The following POU6F2 variants were observed in gnomAD, a reference collection of about 807,000 sequenced individuals.
The protein encoded by POU6F2 is POU domain, class 6, transcription factor 2.
Under a neutral mutation model 71.3 loss-of-function variants are expected in POU6F2, and 31 were observed. The observed-to-expected ratio is 0.43, with a 90% CI of 0.33 to 0.59. The LOEUF is 0.59. Among genes scored for constraint, POU6F2 ranks in the 20% least tolerant of loss-of-function variants. The pLI, the probability that POU6F2 is intolerant of heterozygous loss-of-function variation, is 0.04. For synonymous variants in POU6F2, 347 were observed against 355.7 expected, an observed-to-expected ratio of 0.98 and a Z score of 0.27; for missense variants, 783 against 856.8, an observed-to-expected ratio of 0.91 and a Z score of 1.07.
chr7:39,078,668 C>G (rs911155291), intron 1 of POU6F2, among the ~76,000 whole-genome samples: 1 of 152,154 alleles, frequency 6.6e-6, no homozygotes, highest in Non-Finnish European at 1.5e-5. Flanking sequence ...GGTCAGCAAA[C>G]TTTTTCTGTA....
chr7:39,293,562 A>G (rs898401063), intron 4 of POU6F2, among the ~76,000 whole-genome samples: 2 of 152,134 alleles, frequency 1.3e-5, no homozygotes, highest in African/African-American at 4.8e-5. Context: ...TTATCGCTTC[A>G]GACCACGTGA....
intron 2 of POU6F2, among the ~76,000 whole-genome samples, chr7:39,161,855 G>A (rs976756479): frequency 1.3e-5 from 2 of 152,200 alleles, no homozygotes; most frequent in African/African-American, 4.8e-5. Context: ...ATGACATTTA[G>A]GGACCAAGAA....
At chr7:39,274,226 C>T (rs113859450) in intron 4 of POU6F2, among the ~76,000 whole-genome samples, 44,010 of 151,646 alleles carry the variant, frequency 0.29, 7,274 homozygotes, top group East Asian at 0.45. Context: ...ATATCACCAC[C>T]GATCCCACAG....
intron 1 of POU6F2, among the ~76,000 whole-genome samples, chr7:39,015,220 G>T (rs1789439654): frequency 6.9e-6 from 1 of 145,206 alleles, no homozygotes; most frequent in South Asian, 2.1e-4. Context: ...CTGATTTTAT[G>T]TATATATTAT....
At chr7:39,027,657 G>A (rs1357687793) in intron 1 of POU6F2, among the ~76,000 whole-genome samples, 5 of 152,158 alleles carry the variant, frequency 3.3e-5, no homozygotes, top group South Asian at 2.1e-4. Context: ...TATAAACTTC[G>A]TAACATTGCA....
intron 4 of POU6F2, among the ~76,000 whole-genome samples, chr7:39,276,165 T>A (rs1045477354): frequency 2.4e-4 from 37 of 151,774 alleles, no homozygotes; most frequent in Admixed American, 4.6e-4. Flanking sequence ...GACAAAGGGC[T>A]AATATCCAGA....
chr7:39,181,806 C>G (rs1793440740), intron 2 of POU6F2, among the ~76,000 whole-genome samples: 1 of 151,716 alleles, frequency 6.6e-6, no homozygotes, highest in African/African-American at 2.4e-5. Context: ...TCCATCACCT[C>G]CCTCCATCCA....
intron 4 of POU6F2, among the ~76,000 whole-genome samples, chr7:39,304,342 T>C (rs1179054124): frequency 1.3e-5 from 2 of 152,164 alleles, no homozygotes; most frequent in African/African-American, 2.4e-5. Context: ...AGAATTCGAA[T>C]CGACATATCT....
Position 39,015,649 on chromosome 7 carries a change from A to C in POU6F2, c.105+37591A>C, listed in dbSNP as rs372019889. 3.1e-3 allele frequency among the ~76,000 whole-genome samples: 280 copies of C among 91,652 alleles called. 1 individual carries two copies. Among genetic ancestry groups the C allele is most frequent in the Non-Finnish European group, 3.9e-3 (187 of 48,224 alleles). 60.1% of individuals were successfully genotyped at this position (91,652 alleles called of 152,430 possible). On this transcript the variant is annotated intron_variant, in intron 1 of 9. Transcript: ENST00000518318. ...ATAGATATATCTATGTTATATATAG[A>C]TATATATTATATATAGATATATTAT...
In POU6F2 at chr7:39,159,331, TTC is replaced by T. The variant is rs143622811; in HGVS notation, c.278-44900_278-44899del. Among the ~76,000 whole-genome samples, 1,419 of 152,322 alleles carry T rather than the reference TTC, an allele frequency of 9.3e-3. 22 individuals are homozygous for T. The highest frequency in any genetic ancestry group is 0.032 in the African/African-American group (1,311 of 41,556). On this transcript the variant is annotated intron_variant, in intron 2 of 9. Transcript: ENST00000518318. ...ACAAAGATATATAACCGCTTTTTCT[TTC>T]TCTGTTTCTTCCCCAATCCATTCTT...
At chr7:39,408,712 T>C (rs531152394) in intron 6 of POU6F2, among the ~76,000 whole-genome samples, 3 of 152,358 alleles carry the variant, frequency 2.0e-5, no homozygotes, top group South Asian at 2.1e-4. Flanking sequence ...TTTTAACACA[T>C]GTGCCCAATG....
At chr7:39,295,386 C>T (rs754320015) in intron 4 of POU6F2, among the ~76,000 whole-genome samples, 28 of 152,166 alleles carry the variant, frequency 1.8e-4, no homozygotes, top group African/African-American at 6.3e-4. Flanking sequence ...TAGGCCGAGG[C>T]GGGCAGATCA....
chr7:39,413,477 C>G (rs1787597772), intron 6 of POU6F2, among the ~76,000 whole-genome samples: 2 of 152,088 alleles, frequency 1.3e-5, no homozygotes, highest in South Asian at 4.1e-4. Flanking sequence ...TGTATGTTTT[C>G]TCACAAATAT....
At chr7:39,051,584 G>A (rs1562686385) in intron 1 of POU6F2, among the ~76,000 whole-genome samples, 1 of 152,100 alleles carries the variant, frequency 6.6e-6, no homozygotes, top group East Asian at 1.9e-4. Flanking sequence ...TCTAGGTGTA[G>A]GAATTGAACA....
chr7:39,036,938 G>A (rs984654663), intron 1 of POU6F2, among the ~76,000 whole-genome samples: 2 of 151,504 alleles, frequency 1.3e-5, no homozygotes, highest in South Asian at 4.2e-4. Flanking sequence ...TACATGTGCA[G>A]GTTTGTTATA....
At chr7:39,155,278 A>T (rs996478762) in intron 2 of POU6F2, among the ~76,000 whole-genome samples, 1 of 151,896 alleles carries the variant, frequency 6.6e-6, no homozygotes, top group Non-Finnish European at 1.5e-5. Context: ...GGGGGAGTTC[A>T]GTCCTAAAGC....
intron 1 of POU6F2, among the ~76,000 whole-genome samples, chr7:39,065,072 A>G (rs1790730237): frequency 6.6e-6 from 1 of 151,838 alleles, no homozygotes; most frequent in African/African-American, 2.4e-5. Flanking sequence ...TGTTTAATTT[A>G]TATATTAGGC....
At chr7:39,024,380 G>T (rs1371823162) in intron 1 of POU6F2, among the ~76,000 whole-genome samples, 2 of 152,014 alleles carry the variant, frequency 1.3e-5, no homozygotes, top group Non-Finnish European at 2.9e-5. Flanking sequence ...TGCTGAAGTT[G>T]CTTATCAGCT....
At chr7:39,357,690 A>C (rs1786288651) in intron 5 of POU6F2, among the ~76,000 whole-genome samples, 2 of 152,252 alleles carry the variant, frequency 1.3e-5, no homozygotes, top group Non-Finnish European at 2.9e-5. Context: ...AAAGCTAAGA[A>C]GTTTGGATGA....
Sources: allele counts gnomAD v4.1 joint callset (sites outside exome capture counted in the v4.1 genomes callset), GRCh38; gene constraint gnomAD v4.1.1; transcripts MANE v1.5; gene names NCBI Gene and HGNC (gene_info 2026-07-23, HGNC 2026-07-21).